PIP5K1A: variants seen among roughly 807,000 people sequenced by gnomAD.
PIP5K1A encodes the protein phosphatidylinositol-4-phosphate 5-kinase type 1 alpha.
Under a neutral mutation model 72.9 loss-of-function variants are expected in PIP5K1A, and 46 were observed. The ratio of observed to expected loss-of-function variants is 0.63; its 90% CI spans 0.50 to 0.81. PIP5K1A has a LOEUF of 0.81. PIP5K1A is among the 30% of genes least tolerant of loss of function. PIP5K1A has a pLI of 0.00. For synonymous variants in PIP5K1A, 228 were observed against 255.1 expected, an observed-to-expected ratio of 0.89 and a Z score of 1.01; for missense variants, 458 against 706.1, an observed-to-expected ratio of 0.65 and a Z score of 3.98.
intron 1 of PIP5K1A, among the ~76,000 whole-genome samples, chr1:151,211,683 C>A (rs1336941938): frequency 6.7e-6 from 1 of 150,246 alleles, no homozygotes; most frequent in Non-Finnish European, 1.5e-5. Context: ...GTAGTCCCAG[C>A]TACTCCCAGC....
Position 151,198,893 on chromosome 1 carries a change from A to G in PIP5K1A, c.-104A>G. 1 of 1,160,416 alleles carries G rather than the reference A, an allele frequency of 8.6e-7. No individual in the cohort carries two copies. The highest frequency in any genetic ancestry group is 1.3e-6 in the Non-Finnish European group (1 of 790,368). The allele number at this position is 1,160,416 out of a possible 1,614,324, so 71.9% of individuals were successfully genotyped here. On this transcript the variant is annotated 5_prime_UTR_variant, in exon 1 of 16. Coordinates refer to ENST00000368888, the MANE Select transcript of PIP5K1A (RefSeq NM_001135638.2). The stretch of plus-strand genomic sequence containing the variant: ...CGGAGGGGGCGGGGAGGTGGCCCAC[A>G]GAACGCGGGTTCTGTAAAGAGACGT...
At chr1:151,218,631 C>G (rs1169593531) in intron 1 of PIP5K1A, among the ~76,000 whole-genome samples, 13 of 151,628 alleles carry the variant, frequency 8.6e-5, no homozygotes, top group Non-Finnish European at 8.8e-5. Context: ...ATCAAGAGAT[C>G]GAGACCATCC....
At chr1:151,204,950 C>CTT (rs1309241035) in intron 1 of PIP5K1A, among the ~76,000 whole-genome samples, 2 of 152,108 alleles carry the variant, frequency 1.3e-5, no homozygotes, top group African/African-American at 4.8e-5. Context: ...TGTCTGTGGG[C>CTT]TTTTTTAGGT....
At chr1:151,199,707 G>A (rs978344508) in intron 1 of PIP5K1A, among the ~76,000 whole-genome samples, 1 of 150,820 alleles carries the variant, frequency 6.6e-6, no homozygotes, top group Non-Finnish European at 1.5e-5. Context: ...GAAGTAGAGA[G>A]AACTACTTAG....
At chr1:151,228,212 G>A (rs976454928) in intron 4 of PIP5K1A, among the ~76,000 whole-genome samples, 9 of 151,882 alleles carry the variant, frequency 5.9e-5, no homozygotes, top group Non-Finnish European at 7.4e-5. Flanking sequence ...ATCATTGGCC[G>A]GTAGCAGGAG....
At chr1:151,238,118 C>A in intron 9 of PIP5K1A, 64 bp from the exon 10 acceptor site, 1 of 974,232 alleles carries the variant, frequency 1.0e-6, no homozygotes, top group Non-Finnish European at 1.7e-6. Context: ...GTTTCACTTC[C>A]CCATCCTGAT....
Position 151,249,334 on chromosome 1 carries a change from GTT to G in PIP5K1A, c.*1472_*1473del. Reference sequence around the variant, plus strand: ...TTTACTATTTATGATGTATTTAAGTGTTTTATTAAGGACAGAGTTCTGTTAGG... The same window carrying G: ...TTTACTATTTATGATGTATTTAAGTGTTATTAAGGACAGAGTTCTGTTAGG... On this transcript the variant is annotated 3_prime_UTR_variant, in exon 16 of 16. Transcript: ENST00000368888. The G allele has an allele frequency of 6.6e-6, 1 of 151,390 alleles. No individual in the cohort carries two copies. Among genetic ancestry groups the G allele is most frequent in the East Asian group, 1.9e-4 (1 of 5,168 alleles). 9.4% of individuals were successfully genotyped at this position (151,390 alleles called of 1,614,324 possible). A position where few individuals can be genotyped will look rare whatever the true frequency, so the allele number is the denominator to read the frequency against.
At chr1:151,234,583 CTGTT>C in intron 8 of PIP5K1A, 87 bp downstream of exon 8, 1 of 1,027,400 alleles carries the variant, frequency 9.7e-7, no homozygotes, top group Non-Finnish European at 1.5e-6. Flanking sequence ...AGATGGAACT[CTGTT>C]CCTTAGCACT....
At chr1:151,245,787 C>T (rs1429380436) in intron 14 of PIP5K1A, among the ~76,000 whole-genome samples, 4 of 152,166 alleles carry the variant, frequency 2.6e-5, no homozygotes, top group Non-Finnish European at 5.9e-5. Context: ...CTGCCTGCCT[C>T]AGGCTCCCAA....
At position 151,232,321 on chromosome 1, in the gene PIP5K1A, C is replaced by T. The variant is rs1690206006; in HGVS notation, c.442C>T (p.Arg148Cys). The T allele has an allele frequency of 1.2e-6, 2 of 1,614,074 alleles. No individual in the cohort carries two copies. The highest frequency in any genetic ancestry group is 1.7e-6 in the Non-Finnish European group (2 of 1,179,942). ...RFKTYAPVAF[R>C]YFRELFGIRP... ...CAAGACCTATGCACCTGTTGCCTTC[C>T]GCTACTTCCGGGAGCTATTTGGTAT... The change falls in exon 6 of 16, where the codon CGC (arginine) becomes TGC (cysteine). Residue 148 changes from arginine to cysteine, a missense_variant. Physicochemically the swap from Arg to Cys is radical, Grantham distance 180. Transcript: ENST00000368888.
At chr1:151,208,366 T>C (rs587715224) in intron 1 of PIP5K1A, among the ~76,000 whole-genome samples, 9 of 150,668 alleles carry the variant, frequency 6.0e-5, no homozygotes, top group Admixed American at 1.3e-4. Flanking sequence ...CTTTTCTTTT[T>C]TTTTTTTTTT....
chr1:151,218,873 G>A (rs949735904), intron 1 of PIP5K1A, among the ~76,000 whole-genome samples: 20 of 146,010 alleles, frequency 1.4e-4, no homozygotes, highest in African/African-American at 4.8e-4. Flanking sequence ...TTATTCAGAA[G>A]AAAGTATTGA....
Position 151,224,226 on chromosome 1 carries a change from G to T in PIP5K1A, c.86-19G>T, listed in dbSNP as rs780992724. 5.0e-6 allele frequency: 8 copies of T among 1,594,198 alleles called. No homozygotes were observed. The highest frequency in any genetic ancestry group is 2.2e-5 in the East Asian group (1 of 44,646). On this transcript the variant is annotated intron_variant, in intron 1 of 15. Transcript: ENST00000368888. ...GAGTGTGTGATACACTCTTATGATT[G>T]TTTTTTTTTCCCCCCTAGCAGCATC...
chr1:151,221,641 A>G (rs868303918), intron 1 of PIP5K1A, among the ~76,000 whole-genome samples: 1 of 152,352 alleles, frequency 6.6e-6, no homozygotes, highest in African/African-American at 2.4e-5. Flanking sequence ...AGATAATGAT[A>G]TATATAAATC....
At chr1:151,196,500 T>C (rs895175737), upstream of PIP5K1A, among the ~76,000 whole-genome samples, 1 of 151,714 alleles carries the variant, frequency 6.6e-6, no homozygotes, top group East Asian at 1.9e-4. Context: ...GAAACAATTA[T>C]CTTAGATCTT....
chr1:151,197,087 C>T (rs935676329), upstream of PIP5K1A, among the ~76,000 whole-genome samples: 5 of 150,766 alleles, frequency 3.3e-5, no homozygotes, highest in South Asian at 4.2e-4. Context: ...GTCTCGTACT[C>T]CTGAGCTCAG....
chr1:151,227,854 G>A (rs1473493217), intron 4 of PIP5K1A, among the ~76,000 whole-genome samples: 2 of 152,108 alleles, frequency 1.3e-5, no homozygotes, highest in Non-Finnish European at 2.9e-5. Flanking sequence ...CCACTTGGTG[G>A]CACTAGCCTT....
At chr1:151,240,128 A>G in intron 12 of PIP5K1A, 89 bp downstream of exon 12, 1 of 885,792 alleles carries the variant, frequency 1.1e-6, no homozygotes, top group Non-Finnish European at 1.9e-6. Flanking sequence ...TCTGGTAGGG[A>G]GCTGCCAATG....
At position 151,224,314 on chromosome 1, in the gene PIP5K1A, C is replaced by G. The variant is rs587690449; in HGVS notation, c.120+35C>G. The G allele has an allele frequency of 2.3e-5, 37 of 1,610,804 alleles. 1 individual carries two copies. The East Asian group carries it at 8.2e-4, about 36-fold the overall frequency. Reference sequence around the variant, plus strand: ...ATACTGATACAATGGTTACTAAAACCTTAATTCTGGGATAGAAGGAACCTG... The same window carrying G: ...ATACTGATACAATGGTTACTAAAACGTTAATTCTGGGATAGAAGGAACCTG... On this transcript the variant is annotated intron_variant, in intron 2 of 15. Transcript: ENST00000368888.
Sources: gnomAD v4.1 joint callset for allele counts (sites outside exome capture counted in the v4.1 genomes callset) on GRCh38, gnomAD v4.1.1 for gene constraint, MANE v1.5 for transcripts, NCBI Gene and HGNC (gene_info 2026-07-23, HGNC 2026-07-21) for gene names.